BBS9: variants seen among roughly 807,000 people sequenced by gnomAD.
The protein encoded by BBS9 is protein PTHB1.
BBS9 carries 89 observed loss-of-function variants against 117.7 expected under a neutral mutation model. The ratio of observed to expected loss-of-function variants is 0.76; its 90% CI spans 0.64 to 0.90. The LOEUF (loss-of-function observed/expected upper bound fraction) is 0.90. Ranked by LOEUF, BBS9 falls within the 40% of genes least tolerant of loss-of-function variation. The pLI is 0.00. For synonymous variants in BBS9, 379 were observed against 370.9 expected (o/e 1.02, Z -0.25); for missense variants, 982 against 1,042.2 (o/e 0.94, Z 0.80).
intron 21 of BBS9, among the ~76,000 whole-genome samples, chr7:33,547,813 C>A (rs1359736557): frequency 6.6e-6 from 1 of 152,044 alleles, no homozygotes; most frequent in Non-Finnish European, 1.5e-5. Context: ...GAAAGTCAAG[C>A]TATAGTTTAT....
chr7:33,605,301 C>T lies in BBS9; in HGVS notation c.*75C>T. 2.7e-6 allele frequency: 4 copies of T among 1,457,238 alleles called. No homozygotes were observed. Among genetic ancestry groups the T allele is most frequent in the Non-Finnish European group, 3.9e-6 (4 of 1,037,266 alleles). The allele number at this position is 1,457,238 out of a possible 1,614,324, so 90.3% of individuals were successfully genotyped here. On this transcript the variant is annotated 3_prime_UTR_variant, in exon 23 of 23. Coordinates refer to ENST00000242067, the MANE Select transcript of BBS9 (RefSeq NM_198428.3). ...ACCTGTGTGAACCTCATGCCAAGCA[C>T]AGATATAGGGCTGGCGCAGGTGCTT...
chr7:33,635,475 C>T (rs1268411560), exon 22 of BBS9, among the ~76,000 whole-genome samples: 1 of 152,242 alleles, frequency 6.6e-6, no homozygotes, highest in East Asian at 1.9e-4. Flanking sequence ...CCCCCCAAGG[C>T]CCTGGAACCA....
At chr7:33,544,255 T>C (rs1455944899) in intron 21 of BBS9, among the ~76,000 whole-genome samples, 1 of 152,174 alleles carries the variant, frequency 6.6e-6, no homozygotes, top group Non-Finnish European at 1.5e-5. Context: ...TTTTTGGTGG[T>C]GTTGAAGAGC....
At chr7:33,171,624 GT>G (rs1033079036) in intron 4 of BBS9, among the ~76,000 whole-genome samples, 39 of 152,030 alleles carry the variant, frequency 2.6e-4, no homozygotes, top group Admixed American at 4.6e-4. Context: ...TCAAATTATT[GT>G]TTTTTAACAG....
intron 5 of BBS9, among the ~76,000 whole-genome samples, chr7:33,249,267 A>T (rs79935300): frequency 0.049 from 7,408 of 151,456 alleles, 250 homozygotes; most frequent in East Asian, 0.16. Flanking sequence ...ACACTCCTAC[A>T]CTTCATGAAT....
rs549508991 is a variant in BBS9, at chr7:33,631,267, C to T, written c.2522-3910C>T. 3.1e-4 allele frequency among the ~76,000 whole-genome samples: 47 copies of T among 152,150 alleles called. 1 individual carries two copies. Among genetic ancestry groups the T allele is most frequent in the Admixed American group, 2.2e-3 (34 of 15,280 alleles). ...CCTCAGCCCATGCCGGCCCTGCAGG[C>T]GACTTAAGGATGGTGATATTTATCC... On this transcript the variant is annotated intron_variant, in intron 21 of 21. Transcript: ENST00000671952.
chr7:33,371,456 T>C (rs780525202), intron 17 of BBS9, among the ~76,000 whole-genome samples: 6 of 151,886 alleles, frequency 4.0e-5, no homozygotes, highest in Non-Finnish European at 8.8e-5. Context: ...ATGAAGGAGG[T>C]GTGTATTTTG....
intron 9 of BBS9, among the ~76,000 whole-genome samples, chr7:33,315,279 G>A (rs1021197374): frequency 1.3e-5 from 2 of 152,070 alleles, no homozygotes; most frequent in Non-Finnish European, 2.9e-5. Context: ...GGCAACCCTT[G>A]GTGTTCCTTG....
At chr7:33,361,245 T>C (rs17170204) in intron 16 of BBS9, among the ~76,000 whole-genome samples, 18,282 of 152,206 alleles carry the variant, frequency 0.12, 1,214 homozygotes, top group African/African-American at 0.18. Flanking sequence ...ACAATACCAG[T>C]AGTTTTATAC....
intron 19 of BBS9, among the ~76,000 whole-genome samples, chr7:33,398,314 C>G (rs535311284): frequency 6.4e-4 from 98 of 152,058 alleles, no homozygotes; most frequent in Non-Finnish European, 1.3e-3. Flanking sequence ...GAACTTGTTT[C>G]TCTGGTCTCA....
intron 4 of BBS9, among the ~76,000 whole-genome samples, chr7:33,169,320 A>G (rs1354990419): frequency 6.6e-6 from 1 of 150,772 alleles, no homozygotes; most frequent in Non-Finnish European, 1.5e-5. Flanking sequence ...CTTTGGGTAT[A>G]TACCCAGTAA....
rs1036339617 is a variant in BBS9, at chr7:33,369,488, G to A, written c.1789+1626G>A. Reference sequence around the variant, plus strand: ...TTTATTCTCTTTGTCTGAATGTATGGCAATTCCCTGACTTAGCATAGTGTA... The same window carrying A: ...TTTATTCTCTTTGTCTGAATGTATGACAATTCCCTGACTTAGCATAGTGTA... On this transcript the variant is annotated intron_variant, in intron 17 of 22. Coordinates refer to ENST00000242067, the MANE Select transcript of BBS9 (RefSeq NM_198428.3). 2.0e-5 allele frequency among the ~76,000 whole-genome samples: 3 copies of A among 152,094 alleles called. No homozygotes were observed. In the South Asian group the frequency reaches 6.2e-4, roughly 32 times the overall value.
rs757782253 is a variant in BBS9 at position 33,344,648 on chromosome 7, T to G, written c.1329+14T>G. On this transcript the variant is annotated intron_variant, in intron 12 of 22. Coordinates refer to ENST00000242067, the MANE Select transcript of BBS9 (RefSeq NM_198428.3). ...GTCACGGTGAAGGTATTGTACCAGA[T>G]TTTAGACTGTAATGTGCAAACAATA... 2 of 1,611,712 alleles carry G rather than the reference T, an allele frequency of 1.2e-6. No individual in the cohort carries two copies. Among genetic ancestry groups the G allele is most frequent in the African/African-American group, 2.7e-5 (2 of 74,874 alleles).
At chr7:33,143,033 G>T (rs1036779192) in intron 1 of BBS9, among the ~76,000 whole-genome samples, 1 of 151,840 alleles carries the variant, frequency 6.6e-6, no homozygotes, top group Non-Finnish European at 1.5e-5. Flanking sequence ...GCAGTGGCGC[G>T]ATCTCGGCTC....
intron 7 of BBS9, among the ~76,000 whole-genome samples, chr7:33,267,468 AG>A (rs1799022364): frequency 4.2e-5 from 2 of 47,228 alleles, no homozygotes; most frequent in Admixed American, 5.1e-4. Context: ...GGATTTATCC[AG>A]TTTTTTTTTT....
intron 5 of BBS9, among the ~76,000 whole-genome samples, chr7:33,224,535 C>T (rs1470350008): frequency 6.6e-6 from 1 of 152,170 alleles, no homozygotes; most frequent in Non-Finnish European, 1.5e-5. Context: ...CCAAATTTTT[C>T]TGGCTTAAAA....
chr7:33,533,828 G>T, intron 20 of BBS9, 126 bp from the exon 21 acceptor site: 1 of 1,145,992 alleles, frequency 8.7e-7, no homozygotes, highest in Non-Finnish European at 1.3e-6. Flanking sequence ...GAATATTCCA[G>T]ATACCACACT....
intron 5 of BBS9, among the ~76,000 whole-genome samples, chr7:33,217,019 C>T (rs186748312): frequency 1.9e-4 from 29 of 152,076 alleles, no homozygotes; most frequent in Non-Finnish European, 3.5e-4. Context: ...GGTTTGAACC[C>T]GGGAGGTGGA....
At chr7:33,568,303 C>T (rs1387497722) in intron 21 of BBS9, among the ~76,000 whole-genome samples, 1 of 152,238 alleles carries the variant, frequency 6.6e-6, no homozygotes, top group South Asian at 2.1e-4. Context: ...TTCTAATTGA[C>T]TTAATTTCTC....
Sources: allele counts gnomAD v4.1 joint callset (sites outside exome capture counted in the v4.1 genomes callset), GRCh38; gene constraint gnomAD v4.1.1; transcripts MANE v1.5; gene names NCBI Gene and HGNC (gene_info 2026-07-23, HGNC 2026-07-21).